DSC1: variants seen among roughly 807,000 people sequenced by gnomAD.
The protein encoded by DSC1 is desmocollin-1.
In DSC1, 79 loss-of-function variants were observed where a neutral mutation model predicts 98.8. The observed-to-expected ratio is 0.80, with a 90% CI of 0.67 to 0.96. The LOEUF is 0.96. DSC1 is among the 50% of genes least tolerant of loss of function. The pLI is 0.00. For synonymous variants in DSC1, 405 were observed against 372.1 expected, an observed-to-expected ratio of 1.09 and a Z score of -1.02; for missense variants, 1,115 against 1,075.9, an observed-to-expected ratio of 1.04 and a Z score of -0.51.
intron 2 of DSC1, among the ~76,000 whole-genome samples, chr18:31,158,488 G>A (rs1052877391): frequency 2.0e-5 from 3 of 151,736 alleles, no homozygotes; most frequent in Non-Finnish European, 4.4e-5. Flanking sequence ...TTAAAGCACT[G>A]GGCAAAACAA....
chr18:31,140,505 A>G (rs1441514583), intron 9 of DSC1, among the ~76,000 whole-genome samples: 1 of 152,128 alleles, frequency 6.6e-6, no homozygotes, highest in Non-Finnish European at 1.5e-5. Flanking sequence ...GATTCAACCC[A>G]TTTTTCTTCT....
In DSC1 at chr18:31,162,840, G is replaced by T; in HGVS notation, c.-246C>A. The T allele has an allele frequency of 4.1e-6, 2 of 491,556 alleles. No homozygotes were observed. Among genetic ancestry groups the T allele is most frequent in the Non-Finnish European group, 7.3e-6 (2 of 273,856 alleles). 30.4% of individuals were successfully genotyped at this position (491,556 alleles called of 1,614,324 possible). A position where few individuals can be genotyped will look rare whatever the true frequency, so the allele number is the denominator to read the frequency against. On this transcript the variant is annotated 5_prime_UTR_variant, in exon 1 of 16. Coordinates refer to ENST00000257198, the MANE Select transcript of DSC1 (RefSeq NM_024421.2). ...CAGTTCAATTACGTCTAAATGCAAAGAGGCTTTCCTACAAGTGAGGAGGGT... is the reference window on the plus strand; with the variant it reads ...CAGTTCAATTACGTCTAAATGCAAATAGGCTTTCCTACAAGTGAGGAGGGT...
Position 31,133,990 on chromosome 18 carries a change from A to G in DSC1, c.2017T>C (p.Cys673Arg). The G allele has an allele frequency of 2.5e-6, 4 of 1,613,310 alleles. No individual in the cohort carries two copies. The highest frequency in any genetic ancestry group is 3.4e-6 in the Non-Finnish European group (4 of 1,179,642). The change falls in exon 13 of 16, where the codon TGT becomes CGT. Residue 673 changes from cysteine to arginine, a missense_variant. Physicochemically the swap from Cys to Arg is radical, Grantham distance 180 (BLOSUM62 -3). Coordinates refer to ENST00000257198, the MANE Select transcript of DSC1 (RefSeq NM_024421.2). The part of the protein sequence containing the change: ...RVCDCSTPSE[C>R]RMKDKSTRDV... ...CTTGTACTTTTATCCTTCATTCTAC[A>G]CTCAGATGGAGTTGAACAGTCACAT...
rs567099539 is a variant in DSC1 at position 31,145,915 on chromosome 18, G to A, written c.773-138C>T. The A allele has an allele frequency of 9.5e-6, 9 of 945,008 alleles. No individual in the cohort carries two copies. The African/African-American group carries it at 1.2e-4, about 12-fold the overall frequency. The allele number at this position is 945,008 out of a possible 1,614,324, so 58.5% of individuals were successfully genotyped here. A position where few individuals can be genotyped will look rare whatever the true frequency, so the allele number is the denominator to read the frequency against. On this transcript the variant is annotated intron_variant, in intron 6 of 15. Transcript: ENST00000257198. ...TAGTTCTACTGTTAAGTTGACGAAT[G>A]TGAAACTGTTCTAAATGTCTCCAAG...
intron 1 of DSC1, among the ~76,000 whole-genome samples, chr18:31,161,311 A>C (rs575655799): frequency 5.9e-4 from 90 of 152,138 alleles, no homozygotes; most frequent in African/African-American, 2.0e-3. Flanking sequence ...TCATTGACTG[A>C]GGCATTGTTT....
Position 31,140,785 on chromosome 18 carries a change from T to C in DSC1, c.1261-484A>G, listed in dbSNP as rs78798309. On this transcript the variant is annotated intron_variant, in intron 9 of 15. Transcript: ENST00000257198. ...AAAGCACATTATATTTCAGGCTGTTTAGTTCCTGATGAAAGCGCTTGGTCC... is the reference window on the plus strand; with the variant it reads ...AAAGCACATTATATTTCAGGCTGTTCAGTTCCTGATGAAAGCGCTTGGTCC... Among the ~76,000 whole-genome samples the C allele has an allele frequency of 4.6e-5, 7 of 152,334 alleles. No homozygotes were observed. The East Asian group carries it at 1.4e-3, about 29-fold the overall frequency.
At chr18:31,159,348 C>T (rs1373976474) in intron 2 of DSC1, 97 bp downstream of exon 2, 10 of 1,260,050 alleles carry the variant, frequency 7.9e-6, no homozygotes, top group Middle Eastern at 1.9e-4. Flanking sequence ...CCACCGCGCC[C>T]GGCCTACTAT....
Position 31,162,719 on chromosome 18 carries a change from T to A in DSC1, c.-125A>T, listed in dbSNP as rs1444245070. On this transcript the variant is annotated 5_prime_UTR_variant, in exon 1 of 16. In the 5' UTR this introduces an upstream ATG that the reference lacks. Transcript: ENST00000257198. ...TGCTGCCACCTTGATGCAGCTGAGC[T>A]TGGTTTGGAAGACAGTCCGGAGGCA... The A allele has an allele frequency of 1.2e-6, 1 of 805,882 alleles. No individual in the cohort carries two copies. 49.9% of individuals were successfully genotyped at this position (805,882 alleles called of 1,614,324 possible). A position where few individuals can be genotyped will look rare whatever the true frequency, so the allele number is the denominator to read the frequency against.
rs1988557835 is a variant in DSC1 at position 31,134,196 on chromosome 18, A to G, written c.1877-66T>C. 6 of 1,534,386 alleles carry G rather than the reference A, an allele frequency of 3.9e-6. No homozygotes were observed. The Admixed American group carries it at 5.6e-5, about 14-fold the overall frequency. The stretch of plus-strand genomic sequence containing the variant: ...TAGATGGCAGTATTATTCCTACTCA[A>G]TATTCTCAGTGGAAGGGAATCAATT... On this transcript the variant is annotated intron_variant, in intron 12 of 15. Coordinates refer to ENST00000257198, the MANE Select transcript of DSC1 (RefSeq NM_024421.2).
intron 14 of DSC1, 23 bp downstream of exon 14, chr18:31,132,545 A>ACT: frequency 6.2e-7 from 1 of 1,611,924 alleles, no homozygotes; most frequent in Non-Finnish European, 8.5e-7. Context: ...GTACAATTCA[A>ACT]AGGGATGTGA....
At position 31,153,714 on chromosome 18, in the gene DSC1, A is replaced by T. The variant is rs77909000; in HGVS notation, c.627+1060T>A. ...TTTACTTACTAGCTTCATATTTCAC[A>T]CTCTTCCTTAGCTTCAAATTACACT... On this transcript the variant is annotated intron_variant, in intron 5 of 15. Coordinates refer to ENST00000257198, the MANE Select transcript of DSC1 (RefSeq NM_024421.2). Among the ~76,000 whole-genome samples, 1,230 of 151,886 alleles carry T rather than the reference A, an allele frequency of 8.1e-3. 8 individuals are homozygous for T. Among genetic ancestry groups the T allele is most frequent in the South Asian group, 0.016 (75 of 4,800 alleles).
intron 14 of DSC1, 68 bp downstream of exon 14, chr18:31,132,500 A>G (rs919744426): frequency 2.5e-6 from 4 of 1,578,794 alleles, no homozygotes; most frequent in Non-Finnish European, 3.5e-6. Flanking sequence ...TATCATTGAC[A>G]TTGTTGAGTA....
intron 1 of DSC1, among the ~76,000 whole-genome samples, chr18:31,160,036 A>G (rs1989181682): frequency 1.3e-5 from 2 of 152,188 alleles, no homozygotes; most frequent in African/African-American, 2.4e-5. Flanking sequence ...TCTCAAATCA[A>G]TTTTGTGACT....
intron 6 of DSC1, among the ~76,000 whole-genome samples, chr18:31,147,692 G>A (rs1038212695): frequency 6.6e-6 from 1 of 151,980 alleles, no homozygotes; most frequent in Non-Finnish European, 1.5e-5. Flanking sequence ...ATACCCAACA[G>A]TCATTTAATA....
In DSC1 at chr18:31,143,698, C is replaced by G; in HGVS notation, c.1033G>C (p.Glu345Gln). The G allele has an allele frequency of 6.3e-7, 1 of 1,594,512 alleles. No individual in the cohort carries two copies. The change falls in exon 8 of 16, where the codon GAG becomes CAG. Residue 345 changes from glutamate (E) to glutamine (Q), a missense_variant. Physicochemically the swap from Glu to Gln is conservative, Grantham distance 29. Transcript: ENST00000257198. ...GATGGTGGATTGTCATTTTCATCCTCAAGTGAAATAGTAATTGTTCCTGTA... is the reference window on the plus strand; with the variant it reads ...GATGGTGGATTGTCATTTTCATCCTGAAGTGAAATAGTAATTGTTCCTGTA... ...FNTGTITISL[E>Q]DENDNPPSFT...
intron 9 of DSC1, among the ~76,000 whole-genome samples, chr18:31,141,487 A>T (rs1046469814): frequency 1.5e-4 from 23 of 152,316 alleles, no homozygotes; most frequent in African/African-American, 5.3e-4. Flanking sequence ...TTGCAATTAA[A>T]TTTAAAAAAT....
At chr18:31,153,946 TAA>T (rs779374099) in intron 5 of DSC1, among the ~76,000 whole-genome samples, 3 of 152,310 alleles carry the variant, frequency 2.0e-5, no homozygotes, top group East Asian at 1.9e-4. Flanking sequence ...AAGTATGAGA[TAA>T]GTTTCATTTT....
chr18:31,155,005 T>G (rs1402153804), intron 4 of DSC1, 76 bp from the exon 5 acceptor site: 24 of 1,513,426 alleles, frequency 1.6e-5, no homozygotes, highest in Non-Finnish European at 2.2e-5. Context: ...GATGGTTTAT[T>G]TTTTTACCAC....
chr18:31,143,570 T>G (rs1311313335), intron 8 of DSC1, 87 bp downstream of exon 8: 5 of 1,072,914 alleles, frequency 4.7e-6, no homozygotes, highest in Non-Finnish European at 6.3e-6. Context: ...CTGTCAAACT[T>G]TGTGATCTCA....
Sources: gnomAD v4.1 joint callset for allele counts (sites outside exome capture counted in the v4.1 genomes callset) on GRCh38, gnomAD v4.1.1 for gene constraint, MANE v1.5 for transcripts, NCBI Gene and HGNC (gene_info 2026-07-23, HGNC 2026-07-21) for gene names.